The following HVCN1 variants were observed in gnomAD, a reference collection of about 807,000 sequenced individuals.
HVCN1 encodes the protein voltage-gated hydrogen channel 1.
Under a neutral mutation model 29.2 loss-of-function variants are expected in HVCN1, and 14 were observed. The observed-to-expected ratio is 0.48, with a 90% confidence interval of 0.32 to 0.75. The LOEUF (loss-of-function observed/expected upper bound fraction) is 0.75, where lower values mean the gene tolerates loss of function less well. HVCN1 is among the 30% of genes least tolerant of loss of function. HVCN1 has a pLI of 0.04. For synonymous variants in HVCN1, 131 were observed against 133.2 expected, an observed-to-expected ratio of 0.98 and a Z score of 0.11; for missense variants, 263 against 341.8, an observed-to-expected ratio of 0.77 and a Z score of 1.82.
At chr12:110,649,574 T>C (rs2067687839) in intron 7 of HVCN1, 99 bp from the exon 8 acceptor site, 1 of 843,052 alleles carries the variant, frequency 1.2e-6, no homozygotes, top group Non-Finnish European at 2.0e-6. Flanking sequence ...ACCACAGAGA[T>C]GAATGAAAGC....
At chr12:110,698,811 G>A (rs2069531505) in intron 2 of HVCN1, among the ~76,000 whole-genome samples, 1 of 152,128 alleles carries the variant, frequency 6.6e-6, no homozygotes, top group African/African-American at 2.4e-5. Flanking sequence ...TGTTGGGTCA[G>A]GGAGTCTGGT....
At chr12:110,687,619 C>T (rs1038909717) in intron 2 of HVCN1, among the ~76,000 whole-genome samples, 7 of 151,914 alleles carry the variant, frequency 4.6e-5, no homozygotes, top group South Asian at 4.2e-4. Flanking sequence ...CGTGATGAGG[C>T]GGCAAGAGAT....
chr12:110,683,137 T>G lies in HVCN1; in HGVS notation c.21+88A>C, dbSNP rs977727547. ...TAGTGGAAACACCTGAACAGGGAGT[T>G]CTCCCTCTCCTGTTTGAAACACCAA... On this transcript the variant is annotated intron_variant, in intron 3 of 7. Coordinates refer to ENST00000242607, the MANE Select transcript of HVCN1 (RefSeq NM_032369.4). 42 of 1,535,066 alleles carry G rather than the reference T, an allele frequency of 2.7e-5. No individual in the cohort carries two copies. The East Asian group carries it at 8.3e-4, about 30-fold the overall frequency.
chr12:110,687,464 C>A (rs1039064832), intron 2 of HVCN1, among the ~76,000 whole-genome samples: 2 of 152,048 alleles, frequency 1.3e-5, no homozygotes, highest in Non-Finnish European at 2.9e-5. Flanking sequence ...CCTGAGAGAG[C>A]GGAGTACTTA....
chr12:110,692,211 A>G (rs138627158), upstream of HVCN1, among the ~76,000 whole-genome samples: 2 of 152,366 alleles, frequency 1.3e-5, no homozygotes, highest in East Asian at 3.9e-4. Flanking sequence ...TCAATGCAAT[A>G]AAACAAGAAA....
intron 2 of HVCN1, among the ~76,000 whole-genome samples, chr12:110,683,966 T>C (rs2069089528): frequency 6.7e-6 from 1 of 149,718 alleles, no homozygotes; most frequent in African/African-American, 2.5e-5. Context: ...TTGATACTTA[T>C]TACAATGTAG....
chr12:110,694,006 C>G (rs79221814), upstream of HVCN1, among the ~76,000 whole-genome samples: 698 of 152,322 alleles, frequency 4.6e-3, 4 homozygotes, highest in African/African-American at 0.016. The surrounding 1 kb of genome is among the most constrained non-coding windows in gnomAD (Gnocchi z 4.6). Flanking sequence ...TCTTACCAAG[C>G]AGTGAGCCCA....
upstream of HVCN1, among the ~76,000 whole-genome samples, chr12:110,694,630 TCAGCCAGAG>T (rs1282600131): frequency 6.6e-6 from 1 of 152,240 alleles, no homozygotes; most frequent in Non-Finnish European, 1.5e-5. This position sits in a 1 kb window ranked among gnomAD's most constrained non-coding sequence, Gnocchi z 4.6. Context: ...AGATGAGTTC[TCAGCCAGAG>T]ACAGGGTGGG....
intron 3 of HVCN1, among the ~76,000 whole-genome samples, chr12:110,678,814 G>A (rs909736535): frequency 5.3e-5 from 8 of 152,100 alleles, no homozygotes; most frequent in South Asian, 4.1e-4. Context: ...TCACCAATGC[G>A]TTGAGTTTAA....
chr12:110,649,674 C>T (rs533044428), intron 7 of HVCN1, among the ~76,000 whole-genome samples, 199 bp from the exon 8 acceptor site: 4 of 152,158 alleles, frequency 2.6e-5, no homozygotes, highest in South Asian at 2.1e-4. Flanking sequence ...AGAAGACAAA[C>T]GTGGGGGACC....
At chr12:110,701,104 T>C (rs954919565) in intron 2 of HVCN1, among the ~76,000 whole-genome samples, 3 of 152,222 alleles carry the variant, frequency 2.0e-5, no homozygotes, top group Non-Finnish European at 4.4e-5. Context: ...CTGGTCTCAC[T>C]GAGGCCTTGT....
intron 4 of HVCN1, among the ~76,000 whole-genome samples, chr12:110,660,460 G>A (rs2068132002): frequency 6.6e-6 from 1 of 152,262 alleles, no homozygotes; most frequent in Non-Finnish European, 1.5e-5. Context: ...CCAGCGTGAT[G>A]GGTCTCCATG....
At chr12:110,695,952 A>AT (rs200611942) in intron 2 of HVCN1, among the ~76,000 whole-genome samples, 20,522 of 137,122 alleles carry the variant, frequency 0.15, 2,104 homozygotes, top group African/African-American at 0.29. Flanking sequence ...GGATCGTTTG[A>AT]TTTTTTTTTT....
intron 2 of HVCN1, among the ~76,000 whole-genome samples, chr12:110,697,309 C>G (rs79665985): frequency 6.6e-6 from 1 of 151,894 alleles, no homozygotes; most frequent in African/African-American, 2.4e-5. Context: ...CAGGACCAAG[C>G]TAGGGCCTGG....
At chr12:110,653,093 C>G (rs1593434757) in intron 5 of HVCN1, among the ~76,000 whole-genome samples, 1 of 152,186 alleles carries the variant, frequency 6.6e-6, no homozygotes, top group Admixed American at 6.5e-5. Context: ...ATGGGACATT[C>G]TACTGGCTGG....
rs148158266 is a variant in HVCN1, at chr12:110,675,275, G to A, written c.21+7950C>T. Among the ~76,000 whole-genome samples, 73 of 151,970 alleles carry A rather than the reference G, an allele frequency of 4.8e-4. No individual in the cohort carries two copies. The East Asian group carries it at 0.013, about 27-fold the overall frequency. ...GGAGTTCAAGACCAGCCTCACCAAC[G>A]TGGGGAAACCCCGTCTCTACTAAAA... On this transcript the variant is annotated intron_variant, in intron 3 of 7. Transcript: ENST00000242607.
rs1159455194 is a variant in HVCN1, at chr12:110,661,011, C to T, written c.306+153G>A. ...AGATCTGCCTACCGCATTCCCAGCA[C>T]GGTACAGGGTCCCCGGCACGTGGTA... On this transcript the variant is annotated intron_variant, in intron 4 of 7. Transcript: ENST00000242607. This position sits in a 1 kb window ranked among gnomAD's most constrained non-coding sequence, Gnocchi z 6.2. 5.3e-5 allele frequency among the ~76,000 whole-genome samples: 8 copies of T among 152,230 alleles called. No individual in the cohort carries two copies. Among genetic ancestry groups the T allele is most frequent in the South Asian group, 2.1e-4 (1 of 4,834 alleles).
In HVCN1 at chr12:110,661,433, C is replaced by G; in HGVS notation, c.37G>C (p.Ala13Pro). Reference sequence around the variant, plus strand: ...ATCCTCTCAGCGGGAGCCACCTTGGCCCTGCGGGTGACTGCCTAGAAGGCG... The same window carrying G: ...ATCCTCTCAGCGGGAGCCACCTTGGGCCTGCGGGTGACTGCCTAGAAGGCG... ...TWDEKAVTRR[A>P]KVAPAERMSK... The change falls in exon 4 of 8, where the codon GCC becomes CCC. Residue 13 changes from alanine to proline, a missense_variant. Physicochemically the swap from Ala to Pro is conservative, Grantham distance 27 (BLOSUM62 -1). Around this residue, in one of 3 missense-constraint regions of HVCN1, gnomAD observed 157 missense variants for 181.3 expected, o/e 0.87. Coordinates refer to ENST00000242607, the MANE Select transcript of HVCN1 (RefSeq NM_032369.4). This position sits in a 1 kb window ranked among gnomAD's most constrained non-coding sequence, Gnocchi z 6.2. 6.2e-7 allele frequency: 1 copy of G among 1,614,012 alleles called. No homozygotes were observed. Among genetic ancestry groups the G allele is most frequent in the South Asian group, 1.1e-5 (1 of 91,074 alleles).
In HVCN1 at chr12:110,676,980, G is replaced by C. The variant is rs2068769697; in HGVS notation, c.21+6245C>G. The stretch of plus-strand genomic sequence containing the variant: ...TCCCAGCACTTTGGGAGGCTGAGGG[G>C]GATCACTGAGTTCAGGAGTTCAAGA... On this transcript the variant is annotated intron_variant, in intron 3 of 7. Transcript: ENST00000242607. This position sits in a 1 kb window ranked among gnomAD's most constrained non-coding sequence, Gnocchi z 4.1. 6.6e-6 allele frequency among the ~76,000 whole-genome samples: 1 copy of C among 151,962 alleles called. No homozygotes were observed. The highest frequency in any genetic ancestry group is 6.6e-5 in the Admixed American group (1 of 15,244).
Sources: gnomAD v4.1 joint callset for allele counts (sites outside exome capture counted in the v4.1 genomes callset) on GRCh38, gnomAD v4.1.1 for gene constraint, gnomAD v4.1.1 regional missense constraint, Gnocchi (gnomAD v3.1) non-coding constraint, MANE v1.5 for transcripts, NCBI Gene and HGNC (gene_info 2026-07-23, HGNC 2026-07-21) for gene names.